The following SWAP70 variants were observed in gnomAD, a reference collection of about 807,000 sequenced individuals.
SWAP70 encodes switching B cell complex subunit SWAP70, also known as switch-associated protein 70.
Under a neutral mutation model 80.2 loss-of-function variants are expected in SWAP70, and 34 were observed. The observed-to-expected ratio is 0.42, with a 90% CI of 0.32 to 0.56. The LOEUF (loss-of-function observed/expected upper bound fraction) is 0.56. Among genes scored for constraint, SWAP70 ranks in the 20% least tolerant of loss-of-function variants. SWAP70 has a pLI of 0.09. For missense variants in SWAP70, 578 were observed against 690.7 expected (o/e 0.84, Z 1.83); for synonymous variants, 239 against 238.5 (o/e 1.00, Z -0.02).
chr11:9,666,624 A>G (rs1445882440), intron 1 of SWAP70, among the ~76,000 whole-genome samples: 1 of 152,104 alleles, frequency 6.6e-6, no homozygotes, highest in Non-Finnish European at 1.5e-5. Context: ...ATCAGACAAT[A>G]TTAAATTTTT....
chr11:9,714,513 C>G (rs1851039886), intron 3 of SWAP70, among the ~76,000 whole-genome samples: 1 of 152,162 alleles, frequency 6.6e-6, no homozygotes, highest in South Asian at 2.1e-4. Context: ...GAATAAACTT[C>G]CAGCAGTGGA....
chr11:9,725,494 C>A (rs1368206843), intron 4 of SWAP70, among the ~76,000 whole-genome samples: 3 of 136,282 alleles, frequency 2.2e-5, no homozygotes, highest in African/African-American at 8.2e-5. Flanking sequence ...CCATCCTGGC[C>A]AGCATGTTGA....
chr11:9,716,827 G>T (rs1851072712), intron 3 of SWAP70, among the ~76,000 whole-genome samples: 1 of 152,198 alleles, frequency 6.6e-6, no homozygotes, highest in Non-Finnish European at 1.5e-5. Context: ...GTTAGATCAG[G>T]GAGGAAGACT....
intron 3 of SWAP70, among the ~76,000 whole-genome samples, chr11:9,718,100 G>A (rs908709236): frequency 3.9e-5 from 6 of 152,224 alleles, no homozygotes; most frequent in African/African-American, 1.4e-4. Flanking sequence ...CTTCACCTTT[G>A]CAGGCTAACA....
chr11:9,697,053 A>C (rs914677646), intron 2 of SWAP70, among the ~76,000 whole-genome samples: 1 of 152,116 alleles, frequency 6.6e-6, no homozygotes, highest in African/African-American at 2.4e-5. Context: ...CTCAAAAAAT[A>C]TATAAATAAA....
intron 9 of SWAP70, among the ~76,000 whole-genome samples, chr11:9,744,319 G>A (rs1851483273): frequency 6.6e-6 from 1 of 152,004 alleles, no homozygotes; most frequent in African/African-American, 2.4e-5. Context: ...TAATTTTTGT[G>A]GGTACACAGT....
At chr11:9,727,655 C>G (rs543111713) in intron 4 of SWAP70, among the ~76,000 whole-genome samples, 2 of 152,338 alleles carry the variant, frequency 1.3e-5, no homozygotes, top group South Asian at 4.1e-4. Flanking sequence ...TGTGGCTAAT[C>G]CTACCCCACC....
At chr11:9,708,957 G>A (rs893923475) in intron 2 of SWAP70, among the ~76,000 whole-genome samples, 3 of 152,168 alleles carry the variant, frequency 2.0e-5, no homozygotes, top group Non-Finnish European at 4.4e-5. Flanking sequence ...GTGTGAATTT[G>A]TACAGCAGCA....
At chr11:9,710,229 T>C (rs990897353) in intron 2 of SWAP70, among the ~76,000 whole-genome samples, 4 of 152,212 alleles carry the variant, frequency 2.6e-5, no homozygotes, top group Non-Finnish European at 5.9e-5. Context: ...ATTAACCTTA[T>C]AGGACTAATA....
intron 3 of SWAP70, among the ~76,000 whole-genome samples, chr11:9,717,163 A>C (rs186638358): frequency 6.6e-5 from 10 of 152,320 alleles, no homozygotes; most frequent in Non-Finnish European, 1.3e-4. Context: ...ACAATGATGT[A>C]ATCGTGTATG....
intron 3 of SWAP70, chr11:9,719,976 A>T (rs1034760370): frequency 4.3e-6 from 3 of 693,994 alleles, no homozygotes; most frequent in Admixed American, 1.3e-4. Context: ...CGAAAATCAC[A>T]TGCATCTTGA....
chr11:9,702,540 T>C (rs1481884025), intron 2 of SWAP70, among the ~76,000 whole-genome samples: 3 of 152,078 alleles, frequency 2.0e-5, no homozygotes, highest in African/African-American at 7.2e-5. Flanking sequence ...GCCTTCCAAG[T>C]AGCTTGGGGA....
At position 9,724,821 on chromosome 11, in the gene SWAP70, G is replaced by A. The variant is rs760230317; in HGVS notation, c.578G>A (p.Arg193Gln). ...GNGQFSKGMD[R>Q]QTVSMAINEV... ...GGACAGTTTAGCAAAGGCATGGACCGGCAGACTGTGTCTATGGCAATTAAT... is the reference window on the plus strand; with the variant it reads ...GGACAGTTTAGCAAAGGCATGGACCAGCAGACTGTGTCTATGGCAATTAAT... The change falls in exon 4 of 12, where the codon CGG becomes CAG. Residue 193 changes from arginine to glutamine, a missense_variant. By Grantham distance (43) the Arg-to-Gln change is conservative. Coordinates refer to ENST00000318950, the MANE Select transcript of SWAP70 (RefSeq NM_015055.4). 3.7e-6 allele frequency: 6 copies of A among 1,613,828 alleles called. No homozygotes were observed. Among genetic ancestry groups the A allele is most frequent in the East Asian group, 2.2e-5 (1 of 44,878 alleles).
chr11:9,733,447 A>G (rs75479149), intron 7 of SWAP70, among the ~76,000 whole-genome samples: 2,132 of 152,280 alleles, frequency 0.014, 57 homozygotes, highest in African/African-American at 0.049. Flanking sequence ...GACTCTACAT[A>G]CCTAGTGGGG....
chr11:9,672,195 CTATATATATATATATATA>C (rs57590750), intron 1 of SWAP70, among the ~76,000 whole-genome samples: 6 of 78,418 alleles, frequency 7.7e-5, no homozygotes, highest in African/African-American at 2.5e-4. Context: ...ATGTGTGTGT[CTATATATATATATATATA>C]TATATATATA....
intron 2 of SWAP70, among the ~76,000 whole-genome samples, chr11:9,695,279 A>C (rs1284464792): frequency 6.6e-6 from 1 of 151,706 alleles, no homozygotes; most frequent in Non-Finnish European, 1.5e-5. Flanking sequence ...GGGCATCAAG[A>C]GCGAAAATCC....
chr11:9,749,457 AG>A (rs2133821890), intron 11 of SWAP70, among the ~76,000 whole-genome samples: 1 of 152,296 alleles, frequency 6.6e-6, no homozygotes, highest in Non-Finnish European at 1.5e-5. Context: ...CGTGTTAACC[AG>A]GATGGTCTTG....
chr11:9,664,363 C>A, intron 1 of SWAP70, 85 bp downstream of exon 1: 1 of 1,437,132 alleles, frequency 7.0e-7, no homozygotes, highest in Non-Finnish European at 9.4e-7. Context: ...ACCTGGCGGG[C>A]CGTGACCGCA....
intron 7 of SWAP70, among the ~76,000 whole-genome samples, chr11:9,734,333 A>C (rs1041883510): frequency 6.6e-6 from 1 of 152,202 alleles, no homozygotes; most frequent in Non-Finnish European, 1.5e-5. Context: ...AGCATTGTAC[A>C]TTTGAGATTC....
Sources: allele counts gnomAD v4.1 joint callset (sites outside exome capture counted in the v4.1 genomes callset), GRCh38; gene constraint gnomAD v4.1.1; transcripts MANE v1.5; gene names NCBI Gene and HGNC (gene_info 2026-07-23, HGNC 2026-07-21).